Variants in MAPK6 observed in about 807,000 individuals in gnomAD.
MAPK6 encodes the protein ERK-3.
In MAPK6, 19 loss-of-function variants were observed where a neutral mutation model predicts 59.3. The observed-to-expected ratio is 0.32, with a 90% CI of 0.22 to 0.47. MAPK6 has a LOEUF of 0.47. Among genes scored for constraint, MAPK6 ranks in the 20% least tolerant of loss-of-function variants. The probability of loss-of-function intolerance (pLI) is 1.00; values close to 1 mark genes in which losing one functional copy is unlikely to be tolerated. For missense variants in MAPK6, 724 were observed against 847.9 expected, an observed-to-expected ratio of 0.85 and a Z score of 1.81; for synonymous variants, 316 against 290.3, an observed-to-expected ratio of 1.09 and a Z score of -0.90.
intron 3 of MAPK6, among the ~76,000 whole-genome samples, chr15:52,013,005 AAAAAAAAAAAAAAAAATATATATATATAT>A (rs1165764435): frequency 2.9e-4 from 6 of 20,484 alleles, no homozygotes; most frequent in African/African-American, 7.0e-4. Context: ...AAAAAAAAAA[AAAAAAAAAAAAAAAAATATATATATATAT>A]ATATATATAT....
intron 2 of MAPK6, among the ~76,000 whole-genome samples, chr15:51,996,435 AC>A (rs2057224386): frequency 6.6e-6 from 1 of 152,004 alleles, no homozygotes; most frequent in African/African-American, 2.4e-5. Context: ...TTGCTCTGTC[AC>A]CCAGGCTGGA....
At chr15:52,035,887 AT>A (rs756123578) in intron 1 of MAPK6, among the ~76,000 whole-genome samples, 17 of 151,794 alleles carry the variant, frequency 1.1e-4, no homozygotes, top group African/African-American at 4.1e-4. Context: ...TATTATTTAG[AT>A]TTCTTTACAT....
chr15:52,043,013 A>G (rs987175511), intron 1 of MAPK6, among the ~76,000 whole-genome samples: 3 of 152,098 alleles, frequency 2.0e-5, no homozygotes, highest in Admixed American at 1.3e-4. Flanking sequence ...AGTCCCAGCT[A>G]CTTGGGGGGC....
At chr15:52,033,405 G>C (rs536044173) in intron 1 of MAPK6, among the ~76,000 whole-genome samples, 37 of 152,122 alleles carry the variant, frequency 2.4e-4, no homozygotes, top group Non-Finnish European at 5.0e-4. Context: ...GGATAAGCTG[G>C]CTTGCTAAGT....
chr15:52,015,149 C>T (rs989623644), upstream of MAPK6, among the ~76,000 whole-genome samples: 4 of 151,796 alleles, frequency 2.6e-5, no homozygotes, highest in Non-Finnish European at 5.9e-5. Context: ...TACAGGCATG[C>T]ACCACCAGGC....
At chr15:52,056,262 G>A (rs1439687383) in intron 3 of MAPK6, among the ~76,000 whole-genome samples, 2 of 152,300 alleles carry the variant, frequency 1.3e-5, no homozygotes, top group South Asian at 2.1e-4. Context: ...CTTTCCTGCT[G>A]TAGCACTTCT....
At chr15:52,000,541 T>C (rs1292957279) in intron 2 of MAPK6, among the ~76,000 whole-genome samples, 1 of 152,152 alleles carries the variant, frequency 6.6e-6, no homozygotes. Context: ...GGCACAGTGG[T>C]TCACGCCTGT....
chr15:52,022,543 T>C (rs928002802), intron 1 of MAPK6, among the ~76,000 whole-genome samples: 1 of 152,178 alleles, frequency 6.6e-6, no homozygotes, highest in South Asian at 2.1e-4. Context: ...ATTACAGGTG[T>C]GAGCCCCTGC....
chr15:52,047,061 C>T, intron 2 of MAPK6, 46 bp downstream of exon 2: 13 of 1,351,666 alleles, frequency 9.6e-6, no homozygotes, highest in Non-Finnish European at 1.3e-5. Context: ...ACTGATACAC[C>T]TAATCAGGAA....
intron 1 of MAPK6, among the ~76,000 whole-genome samples, chr15:51,976,809 G>A (rs555934722): frequency 8.6e-5 from 13 of 151,500 alleles, no homozygotes; most frequent in South Asian, 8.3e-4. Context: ...CGGGCTTGGC[G>A]GTCGCACTCC....
In MAPK6 at chr15:52,066,330, CTT is replaced by C. The variant is rs2032421549; in HGVS notation, c.*1332_*1333del. ...AGAATGAAAATTACTACCAGAATCA[CTT>C]TGAATTATGGCCATAAATTGCTAGT... On this transcript the variant is annotated 3_prime_UTR_variant, in exon 6 of 6. Transcript: ENST00000261845. 1 of 152,198 alleles carries C rather than the reference CTT, an allele frequency of 6.6e-6. No individual in the cohort carries two copies. Among genetic ancestry groups the C allele is most frequent in the Non-Finnish European group, 1.5e-5 (1 of 68,036 alleles). The allele number at this position is 152,198 out of a possible 1,614,324, so 9.4% of individuals were successfully genotyped here.
rs186064753 is a variant in MAPK6, at chr15:52,003,950, T to C, written c.-769-315T>C. ...AATGCAAAATGCTTATTGCCTCACATTTACACTGGCCTTTAATTTCACCTC... is the reference window on the plus strand; with the variant it reads ...AATGCAAAATGCTTATTGCCTCACACTTACACTGGCCTTTAATTTCACCTC... On this transcript the variant is annotated intron_variant, in intron 2 of 7. Transcript: ENST00000691380. Among the ~76,000 whole-genome samples, 8 of 152,344 alleles carry C rather than the reference T, an allele frequency of 5.3e-5. No homozygotes were observed. The East Asian group carries it at 1.5e-3, about 29-fold the overall frequency.
chr15:51,977,872 C>A (rs560737352), intron 1 of MAPK6, among the ~76,000 whole-genome samples: 1 of 151,894 alleles, frequency 6.6e-6, no homozygotes, highest in East Asian at 1.9e-4. Context: ...AGTGAAGGAG[C>A]CCAGGCCACA....
At chr15:51,986,236 A>G (rs959339183) in intron 2 of MAPK6, among the ~76,000 whole-genome samples, 3 of 152,182 alleles carry the variant, frequency 2.0e-5, no homozygotes, top group Non-Finnish European at 2.9e-5. Flanking sequence ...CAGCAAGAAG[A>G]AAATCCACTC....
intron 1 of MAPK6, among the ~76,000 whole-genome samples, chr15:52,035,240 C>G (rs2031197705): frequency 6.6e-6 from 1 of 152,228 alleles, no homozygotes. Flanking sequence ...CTGTCTTGAT[C>G]CCCTTCTACA....
intron 3 of MAPK6, among the ~76,000 whole-genome samples, chr15:52,013,971 G>C (rs2030163188): frequency 6.6e-6 from 1 of 151,974 alleles, no homozygotes; most frequent in African/African-American, 2.4e-5. Flanking sequence ...TCTCAATCTG[G>C]TGCTAACTTG....
chr15:52,054,729 T>TACACACAC (rs35669914), intron 3 of MAPK6, among the ~76,000 whole-genome samples: 31 of 147,130 alleles, frequency 2.1e-4, no homozygotes, highest in East Asian at 2.0e-3. Context: ...CATATATCTA[T>TACACACAC]ACACACACAC....
chr15:52,040,039 T>C (rs2031369001), intron 1 of MAPK6, among the ~76,000 whole-genome samples: 1 of 152,118 alleles, frequency 6.6e-6, no homozygotes, highest in Non-Finnish European at 1.5e-5. Context: ...CCCTGATAAC[T>C]CTTATGGCCG....
At chr15:52,016,070 G>GCGCGCGCGCGCACGCA, upstream of MAPK6, among the ~76,000 whole-genome samples, 1 of 55,392 alleles carries the variant, frequency 1.8e-5, no homozygotes, top group Non-Finnish European at 3.4e-5. Context: ...GCGCGCGCGC[G>GCGCGCGCGCGCACGCA]CACACACACA....
Sources: gnomAD v4.1 joint callset for allele counts (sites outside exome capture counted in the v4.1 genomes callset) on GRCh38, gnomAD v4.1.1 for gene constraint, MANE v1.5 for transcripts, NCBI Gene and HGNC (gene_info 2026-07-23, HGNC 2026-07-21) for gene names.